Variants in TSPAN13 observed in about 807,000 individuals in gnomAD.
TSPAN13 encodes tetraspanin 13, also known as tetraspanin-13.
Under a neutral mutation model 26.9 loss-of-function variants are expected in TSPAN13, and 18 were observed. That is an observed-to-expected ratio of 0.67 (90% CI 0.46 to 0.99). TSPAN13 has a LOEUF of 0.99. Ranked by LOEUF, TSPAN13 falls within the 50% of genes least tolerant of loss-of-function variation. The pLI, the probability that TSPAN13 is intolerant of heterozygous loss-of-function variation, is 0.00. For missense variants in TSPAN13, 201 were observed against 249.6 expected, an observed-to-expected ratio of 0.81 and a Z score of 1.31; for synonymous variants, 116 against 98.4, an observed-to-expected ratio of 1.18 and a Z score of -1.06.
chr7:16,777,160 C>T, intron 3 of TSPAN13, 38 bp downstream of exon 3: 1 of 1,420,104 alleles, frequency 7.0e-7, no homozygotes, highest in South Asian at 1.2e-5. Context: ...TATTATACCA[C>T]ATAGCATGAG....
chr7:16,760,298 A>G (rs1356238600), intron 1 of TSPAN13, among the ~76,000 whole-genome samples: 15 of 152,172 alleles, frequency 9.9e-5, no homozygotes. Context: ...ACATGAGATG[A>G]TGGAGGCTTG....
At chr7:16,755,658 C>G (rs111954136) in intron 1 of TSPAN13, among the ~76,000 whole-genome samples, 1,617 of 151,524 alleles carry the variant, frequency 0.011, 16 homozygotes, top group Non-Finnish European at 0.015. Context: ...GTTTGCCAGA[C>G]ACTTAGTCTT....
chr7:16,780,721 T>A (rs1475562523), intron 5 of TSPAN13, among the ~76,000 whole-genome samples: 1 of 152,212 alleles, frequency 6.6e-6, no homozygotes, highest in Non-Finnish European at 1.5e-5. Context: ...TTTTGAGAAT[T>A]TAGTTCTTTT....
chr7:16,776,191 C>A lies in TSPAN13; in HGVS notation c.64-20C>A. 7 of 1,611,028 alleles carry A rather than the reference C, an allele frequency of 4.3e-6. No individual in the cohort carries two copies. The highest frequency in any genetic ancestry group is 5.9e-6 in the Non-Finnish European group (7 of 1,177,816). ...TCCTCTCTCTCGTCCTCTACCCCTG[C>A]CCCCTGGGTGTTTTTGCAGTTGGTT... On this transcript the variant is annotated intron_variant, in intron 1 of 5. Coordinates refer to ENST00000262067, the MANE Select transcript of TSPAN13 (RefSeq NM_014399.4).
intron 1 of TSPAN13, among the ~76,000 whole-genome samples, chr7:16,756,298 T>C (rs1204774096): frequency 6.6e-6 from 1 of 152,206 alleles, no homozygotes; most frequent in Admixed American, 6.5e-5. Context: ...GAAACATTCT[T>C]TGTAGGTTCT....
chr7:16,776,813 T>A (rs1221307390), intron 2 of TSPAN13, among the ~76,000 whole-genome samples: 1 of 152,256 alleles, frequency 6.6e-6, no homozygotes, highest in East Asian at 1.9e-4. Flanking sequence ...AATTCTAATC[T>A]AGTTTTAGTT....
intron 1 of TSPAN13, among the ~76,000 whole-genome samples, chr7:16,756,048 T>A (rs1186254420): frequency 2.0e-5 from 3 of 152,210 alleles, no homozygotes; most frequent in Non-Finnish European, 4.4e-5. Context: ...TAGTGGCTGC[T>A]TGCTTCTTTT....
At chr7:16,780,991 TCA>T (rs1784808160) in intron 5 of TSPAN13, among the ~76,000 whole-genome samples, 1 of 152,192 alleles carries the variant, frequency 6.6e-6, no homozygotes, top group African/African-American at 2.4e-5. Flanking sequence ...ATTCACAGAA[TCA>T]CAGATTCTCA....
chr7:16,775,326 A>G (rs1583794033), intron 1 of TSPAN13, among the ~76,000 whole-genome samples: 1 of 152,220 alleles, frequency 6.6e-6, no homozygotes, highest in Non-Finnish European at 1.5e-5. Flanking sequence ...ACAGGTCATA[A>G]CCACTAGGCA....
At chr7:16,773,306 T>TA (rs1328842209) in intron 1 of TSPAN13, among the ~76,000 whole-genome samples, 1 of 151,130 alleles carries the variant, frequency 6.6e-6, no homozygotes, top group Non-Finnish European at 1.5e-5. Flanking sequence ...TACAGCCTGC[T>TA]AACTTAGAAT....
intron 1 of TSPAN13, among the ~76,000 whole-genome samples, chr7:16,761,690 A>ATTTTTTTTTTT (rs35451307): frequency 1.3e-4 from 12 of 93,324 alleles, no homozygotes; most frequent in African/African-American, 1.3e-4. Context: ...CAGCTAATTA[A>ATTTTTTTTTTT]TTTTTTTTTT....
rs1456416569 is a variant in TSPAN13, at chr7:16,783,688, G to T, written c.*197G>T. On this transcript the variant is annotated 3_prime_UTR_variant, in exon 6 of 6. Transcript: ENST00000262067. ...CGTTGCTGAAAAATATTTGAAACTT[G>T]TGGTCTCTGAAGCTCGGTGGCACCT... 6 of 593,730 alleles carry T rather than the reference G, an allele frequency of 1.0e-5. No individual in the cohort carries two copies. The highest frequency in any genetic ancestry group is 1.7e-5 in the Non-Finnish European group (6 of 344,462). 36.8% of individuals were successfully genotyped at this position (593,730 alleles called of 1,614,324 possible).
At chr7:16,770,410 A>G (rs992955990) in intron 1 of TSPAN13, among the ~76,000 whole-genome samples, 3 of 152,096 alleles carry the variant, frequency 2.0e-5, no homozygotes, top group African/African-American at 4.8e-5. Flanking sequence ...GAGTTTCACC[A>G]TGTTGGCCAG....
chr7:16,754,055 C>T (rs202143229), intron 1 of TSPAN13, 25 bp downstream of exon 1: 2 of 1,610,936 alleles, frequency 1.2e-6, no homozygotes, highest in African/African-American at 1.3e-5. Flanking sequence ...TCCGTTCCTG[C>T]TCGCTTGGGG....
chr7:16,777,454 C>T (rs1784763665), intron 3 of TSPAN13, among the ~76,000 whole-genome samples: 1 of 152,180 alleles, frequency 6.6e-6, no homozygotes, highest in Non-Finnish European at 1.5e-5. Context: ...CTAGCAATGA[C>T]TGTTTTCAAG....
chr7:16,783,755 C>T lies in TSPAN13; in HGVS notation c.*264C>T. The T allele has an allele frequency of 2.2e-6, 1 of 463,366 alleles. No homozygotes were observed. Among genetic ancestry groups the T allele is most frequent in the African/African-American group, 1.9e-5 (1 of 51,724 alleles). 28.7% of individuals were successfully genotyped at this position (463,366 alleles called of 1,614,324 possible). A position where few individuals can be genotyped will look rare whatever the true frequency, so the allele number is the denominator to read the frequency against. On this transcript the variant is annotated 3_prime_UTR_variant, in exon 6 of 6. Coordinates refer to ENST00000262067, the MANE Select transcript of TSPAN13 (RefSeq NM_014399.4). The stretch of plus-strand genomic sequence containing the variant: ...ATTGTCGGGCACTGTCCACTGTGGC[C>T]TTTCTTAGCATTTTTACCTGCAGAA...
chr7:16,773,879 A>G (rs1784710532), intron 1 of TSPAN13, among the ~76,000 whole-genome samples: 1 of 152,164 alleles, frequency 6.6e-6, no homozygotes, highest in Admixed American at 6.5e-5. Flanking sequence ...ATTTAACTGA[A>G]TTAGGATATA....
intron 1 of TSPAN13, among the ~76,000 whole-genome samples, chr7:16,767,966 G>A (rs1199979615): frequency 2.0e-5 from 3 of 152,096 alleles, no homozygotes; most frequent in African/African-American, 2.4e-5. Flanking sequence ...AAGCTGAAGT[G>A]CAGTGGCACC....
chr7:16,753,813 C>A lies in TSPAN13; in HGVS notation c.-155C>A. On this transcript the variant is annotated 5_prime_UTR_variant, in exon 1 of 6. Transcript: ENST00000262067. ...CGGGTCCGAGCCGCCGCCGCGCGCG[C>A]GCCGCGCACTGCAGCCCCAGGCCCC... is the stretch of plus-strand genomic sequence containing the variant. 1 of 666,568 alleles carries A rather than the reference C, an allele frequency of 1.5e-6. No homozygotes were observed. Among genetic ancestry groups the A allele is most frequent in the Non-Finnish European group, 2.4e-6 (1 of 419,250 alleles). 41.3% of individuals were successfully genotyped at this position (666,568 alleles called of 1,614,324 possible).
Sources: gnomAD v4.1 joint callset for allele counts (sites outside exome capture counted in the v4.1 genomes callset) on GRCh38, gnomAD v4.1.1 for gene constraint, MANE v1.5 for transcripts, NCBI Gene and HGNC (gene_info 2026-07-23, HGNC 2026-07-21) for gene names.